UGGT2: variants seen among roughly 807,000 people sequenced by gnomAD.
UGGT2 encodes the protein UDP-glucose:glycoprotein glucosyltransferase 2.
In UGGT2, 180 loss-of-function variants were observed where a neutral mutation model predicts 192.1. The ratio of observed to expected loss-of-function variants is 0.94; its 90% CI spans 0.83 to 1.06. The LOEUF (loss-of-function observed/expected upper bound fraction) is 1.06, where lower values mean the gene tolerates loss of function less well. Ranked by LOEUF, UGGT2 falls within the 50% of genes least tolerant of loss-of-function variation. UGGT2 has a pLI of 0.00. For synonymous variants in UGGT2, 580 were observed against 591.0 expected, an observed-to-expected ratio of 0.98 and a Z score of 0.27; for missense variants, 1,849 against 1,795.7, an observed-to-expected ratio of 1.03 and a Z score of -0.54.
intron 6 of UGGT2, among the ~76,000 whole-genome samples, chr13:95,996,494 T>TAAAA (rs747293305): frequency 7.5e-6 from 1 of 133,718 alleles, no homozygotes; most frequent in African/African-American, 2.8e-5. Context: ...AGACCGTGTC[T>TAAAA]AAAAAAAAAA....
chr13:95,928,734 C>T (rs1384047997), intron 17 of UGGT2, among the ~76,000 whole-genome samples: 6 of 152,028 alleles, frequency 3.9e-5, no homozygotes, highest in Non-Finnish European at 7.4e-5. Flanking sequence ...CAGAGGGGCT[C>T]CTCACATCCC....
chr13:95,983,718 C>A, intron 10 of UGGT2, 86 bp downstream of exon 10: 1 of 1,017,738 alleles, frequency 9.8e-7, no homozygotes, highest in South Asian at 1.6e-5. Context: ...ATTACTATTT[C>A]CTTTTTTGTA....
chr13:96,007,145 A>C (rs1008765209), intron 5 of UGGT2, among the ~76,000 whole-genome samples: 2 of 152,202 alleles, frequency 1.3e-5, no homozygotes, highest in African/African-American at 2.4e-5. Context: ...CAATATACAC[A>C]AATCGATAAA....
At chr13:95,874,159 T>C (rs1385220826) in intron 29 of UGGT2, among the ~76,000 whole-genome samples, 1 of 152,192 alleles carries the variant, frequency 6.6e-6, no homozygotes, top group Non-Finnish European at 1.5e-5. Flanking sequence ...TCTGTCACTA[T>C]AGCTTGTATT....
At chr13:95,958,749 G>A (rs1233311689) in intron 12 of UGGT2, among the ~76,000 whole-genome samples, 2 of 152,122 alleles carry the variant, frequency 1.3e-5, no homozygotes, top group Admixed American at 6.5e-5. Context: ...CCAGAGAAGT[G>A]ACAGGAGTAC....
At position 96,032,062 on chromosome 13, in the gene UGGT2, T is replaced by C. The variant is rs113258349; in HGVS notation, c.159-91A>G. Reference sequence around the variant, plus strand: ...GTACTCAAGAACCAAATTATATCTATGGCAAAAACAAAAACCCCTAAAAAT... The same window carrying C: ...GTACTCAAGAACCAAATTATATCTACGGCAAAAACAAAAACCCCTAAAAAT... On this transcript the variant is annotated intron_variant, in intron 1 of 38. Transcript: ENST00000376747. The C allele has an allele frequency of 4.1e-4, 340 of 837,022 alleles. 5 individuals are homozygous for C. The highest frequency in any genetic ancestry group is 2.3e-3 in the South Asian group (114 of 49,492). 51.8% of individuals were successfully genotyped at this position (837,022 alleles called of 1,614,324 possible).
chr13:96,011,881 T>C (rs1042765921), intron 5 of UGGT2, among the ~76,000 whole-genome samples: 6 of 151,990 alleles, frequency 3.9e-5, no homozygotes, highest in Non-Finnish European at 7.4e-5. Flanking sequence ...GAAGAAAAAG[T>C]CTCTTCAAAA....
At chr13:95,863,743 T>C in intron 30 of UGGT2, 29 bp from the exon 31 acceptor site, 1 of 1,561,202 alleles carries the variant, frequency 6.4e-7, no homozygotes, top group Non-Finnish European at 8.8e-7. Context: ...AAGATTAGAA[T>C]TTGGCTGCTT....
intron 4 of UGGT2, among the ~76,000 whole-genome samples, chr13:96,017,066 C>T (rs1307082360): frequency 6.6e-6 from 1 of 152,156 alleles, no homozygotes; most frequent in South Asian, 2.1e-4. Flanking sequence ...TTCTTTTGGC[C>T]GATTTCTCCC....
At chr13:95,959,552 C>A (rs1178723108) in intron 12 of UGGT2, among the ~76,000 whole-genome samples, 1 of 152,180 alleles carries the variant, frequency 6.6e-6, no homozygotes, top group East Asian at 1.9e-4. Flanking sequence ...CCAGCACAAT[C>A]CATTACCATT....
At chr13:95,835,339 T>C (rs1887167053) in intron 37 of UGGT2, among the ~76,000 whole-genome samples, 1 of 152,154 alleles carries the variant, frequency 6.6e-6, no homozygotes, top group Non-Finnish European at 1.5e-5. Context: ...TGGGGGTTTG[T>C]TATGGTAGCT....
At chr13:95,944,186 C>G (rs1566736952) in intron 15 of UGGT2, among the ~76,000 whole-genome samples, 2 of 151,978 alleles carry the variant, frequency 1.3e-5, no homozygotes, top group Non-Finnish European at 1.5e-5. Context: ...ATATTCTCAA[C>G]AAAGAACAGC....
At position 95,934,462 on chromosome 13, in the gene UGGT2, C is replaced by T. The variant is rs183714383; in HGVS notation, c.1977+2462G>A. On this transcript the variant is annotated intron_variant, in intron 17 of 38. Coordinates refer to ENST00000376747, the MANE Select transcript of UGGT2 (RefSeq NM_020121.4). Reference sequence around the variant, plus strand: ...TCTAACACTGTCAGTGTCTAACACACGATAGAAATGGCAAGGAGCCAGCTA... The same window carrying T: ...TCTAACACTGTCAGTGTCTAACACATGATAGAAATGGCAAGGAGCCAGCTA... 3.7e-4 allele frequency among the ~76,000 whole-genome samples: 57 copies of T among 152,280 alleles called. No homozygotes were observed. The East Asian group carries it at 4.2e-3, about 11-fold the overall frequency.
At position 95,801,791 on chromosome 13, in the gene UGGT2, T is replaced by C; in HGVS notation, c.4550A>G (p.Ter1517TrpextTer5). 1.2e-6 allele frequency: 2 copies of C among 1,613,896 alleles called. No individual in the cohort carries two copies. Among genetic ancestry groups the C allele is most frequent in the Non-Finnish European group, 1.7e-6 (2 of 1,179,872 alleles). Residue 1517 changes from the stop codon to tryptophan, a stop_lost, in exon 39 of 39, where the codon TAG (stop) becomes TGG (tryptophan). Transcript: ENST00000376747. ...QDTILTHDEL[*>W] ...CCTTCCTTCTCATATACACCAGTGCTAGAGTTCATCATGTGTCAAAACTAT... is the reference window on the plus strand; with the variant it reads ...CCTTCCTTCTCATATACACCAGTGCCAGAGTTCATCATGTGTCAAAACTAT...
intron 5 of UGGT2, among the ~76,000 whole-genome samples, chr13:96,007,679 T>C (rs1468885564): frequency 6.6e-6 from 1 of 152,090 alleles, no homozygotes; most frequent in African/African-American, 2.4e-5. Context: ...CTGAAAATGT[T>C]ACAACAGTTA....
chr13:95,970,533 G>A (rs959324991), intron 11 of UGGT2, among the ~76,000 whole-genome samples: 1 of 151,874 alleles, frequency 6.6e-6, no homozygotes, highest in African/African-American at 2.4e-5. Context: ...AAAGTAGTGA[G>A]GATATGATCA....
chr13:95,945,998 A>G (rs1400712944), intron 15 of UGGT2, among the ~76,000 whole-genome samples: 2 of 152,182 alleles, frequency 1.3e-5, no homozygotes, highest in South Asian at 2.1e-4. Flanking sequence ...TTGACAAGCT[A>G]AAGCCCAATG....
chr13:95,982,413 C>T (rs1241249273), intron 10 of UGGT2, among the ~76,000 whole-genome samples: 1 of 152,188 alleles, frequency 6.6e-6, no homozygotes, highest in Non-Finnish European at 1.5e-5. Flanking sequence ...CCCTTCTTTC[C>T]AGTCCACATG....
chr13:95,920,953 T>A (rs2048826314), intron 20 of UGGT2, among the ~76,000 whole-genome samples: 1 of 152,130 alleles, frequency 6.6e-6, no homozygotes, highest in South Asian at 2.1e-4. Flanking sequence ...TAAATGCCCA[T>A]CAATGATAGA....
Sources: allele counts gnomAD v4.1 joint callset (sites outside exome capture counted in the v4.1 genomes callset), GRCh38; gene constraint gnomAD v4.1.1; transcripts MANE v1.5; gene names NCBI Gene and HGNC (gene_info 2026-07-23, HGNC 2026-07-21).